The following CELA3B variants were observed in gnomAD, a reference collection of about 807,000 sequenced individuals.
CELA3B encodes the protein chymotrypsin-like elastase family member 3B.
CELA3B carries 34 observed loss-of-function variants against 37.2 expected under a neutral mutation model. The ratio of observed to expected loss-of-function variants is 0.91; its 90% CI spans 0.70 to 1.22. The LOEUF is 1.22. Ranked by LOEUF, CELA3B falls within the 50% of genes most tolerant of loss-of-function variation. The pLI, the probability that CELA3B is intolerant of heterozygous loss-of-function variation, is 0.00. For missense variants in CELA3B, 340 were observed against 363.1 expected (o/e 0.94, Z 0.52); for synonymous variants, 127 against 143.5 (o/e 0.89, Z 0.82).
At chr1:21,998,372 C>T (rs1214646033) in exon 5 of CELA3B, 4 of 355,340 alleles carry the variant, frequency 1.1e-5, no homozygotes, top group Admixed American at 3.6e-5. Context: ...GAACAAAGCA[C>T]ACAAAACCCC....
chr1:21,994,022 G>A (rs7529773), downstream of CELA3B, among the ~76,000 whole-genome samples: 25,189 of 146,950 alleles, frequency 0.17, 646 homozygotes, highest in African/African-American at 0.37. Context: ...CAAGACATAA[G>A]CTGGATCATG....
At chr1:21,988,439 A>G (rs1644851782) in intron 7 of CELA3B, among the ~76,000 whole-genome samples, 1 of 151,644 alleles carries the variant, frequency 6.6e-6, no homozygotes, top group South Asian at 2.1e-4. Context: ...AAATATAAAA[A>G]AATTGGCTGG....
downstream of CELA3B, among the ~76,000 whole-genome samples, chr1:21,989,959 A>G (rs1644863370): frequency 6.6e-6 from 1 of 150,804 alleles, no homozygotes; most frequent in African/African-American, 2.5e-5. Context: ...ATTGACTCAC[A>G]GTTCAGCATG....
chr1:21,984,475 C>T, intron 6 of CELA3B, 144 bp downstream of exon 6: 2 of 1,146,350 alleles, frequency 1.7e-6, no homozygotes, highest in South Asian at 1.6e-5. Context: ...GAAATCAGCG[C>T]AGTCCAGACA....
In CELA3B at chr1:21,984,261, G is replaced by A. The variant is rs1163277703; in HGVS notation, c.572G>A (p.Trp191Ter). ...PVVDYEHCSRWNWWGSSVKKT... is the reference protein window; with the variant it reads ...PVVDYEHCSR ...GTGGACTATGAACACTGCTCCAGGTGGAACTGGTGGGGTTCCTCCGTGAAG... is the reference window on the plus strand; with the variant it reads ...GTGGACTATGAACACTGCTCCAGGTAGAACTGGTGGGGTTCCTCCGTGAAG... Residue 191 changes from tryptophan (W) to a stop codon, truncating the protein, a stop_gained, in exon 6 of 8, where the codon TGG becomes TAG. Transcript: ENST00000337107. LOFTEE classifies it high-confidence loss of function. 5.0e-6 allele frequency: 8 copies of A among 1,614,082 alleles called. No individual in the cohort carries two copies. The highest frequency in any genetic ancestry group is 2.2e-5 in the South Asian group (2 of 91,090).
intron 1 of CELA3B, among the ~76,000 whole-genome samples, chr1:21,977,385 C>G: frequency 6.6e-6 from 1 of 152,080 alleles, no homozygotes. Context: ...GTTGGAATTT[C>G]CACTGTTCTG....
downstream of CELA3B, among the ~76,000 whole-genome samples, chr1:21,991,484 T>G (rs549594094): frequency 6.7e-6 from 1 of 149,388 alleles, no homozygotes; most frequent in African/African-American, 2.5e-5. Flanking sequence ...TACAGGCGCA[T>G]GCCACCACGC....
chr1:21,995,099 TGTG>T (rs1644884882), intron 4 of CELA3B, among the ~76,000 whole-genome samples: 1 of 149,548 alleles, frequency 6.7e-6, no homozygotes, highest in East Asian at 2.0e-4. Context: ...GGAAGAGACC[TGTG>T]GTGGCTGTCC....
chr1:21,986,439 A>G, intron 6 of CELA3B, 92 bp from the exon 7 acceptor site: 1 of 1,515,152 alleles, frequency 6.6e-7, no homozygotes, highest in Admixed American at 2.2e-5. Context: ...GAGTCAGGTA[A>G]TGTCGGAGTT....
intron 4 of CELA3B, among the ~76,000 whole-genome samples, chr1:21,996,774 C>A (rs1448117068): frequency 6.6e-6 from 1 of 150,760 alleles, no homozygotes; most frequent in African/African-American, 2.5e-5. Context: ...TCCTTGGATC[C>A]CAGCCGGGAT....
At chr1:21,979,670 C>T (rs1397030075) in intron 2 of CELA3B, among the ~76,000 whole-genome samples, 1 of 150,788 alleles carries the variant, frequency 6.6e-6, no homozygotes, top group East Asian at 2.0e-4. Context: ...CCCAGGCTTG[C>T]CTCGAACTTC....
At chr1:21,988,914 A>T (rs1364196802) in intron 7 of CELA3B, among the ~76,000 whole-genome samples, 29 of 148,468 alleles carry the variant, frequency 2.0e-4, no homozygotes, top group African/African-American at 7.4e-4. Flanking sequence ...CTCCAAAAAT[A>T]TATATTTTGT....
intron 4 of CELA3B, among the ~76,000 whole-genome samples, chr1:21,981,766 C>T (rs1470980100): frequency 1.3e-5 from 2 of 151,832 alleles, no homozygotes; most frequent in Non-Finnish European, 2.9e-5. Context: ...CGCTCTGTCG[C>T]CCAGGCTGGA....
At chr1:21,992,333 C>T (rs1197511926), downstream of CELA3B, among the ~76,000 whole-genome samples, 4 of 151,508 alleles carry the variant, frequency 2.6e-5, no homozygotes, top group East Asian at 3.9e-4. Flanking sequence ...TTCAAGGCTG[C>T]AGTGCACTAT....
chr1:21,995,000 CAAAAAA>C (rs61509449), intron 4 of CELA3B, among the ~76,000 whole-genome samples: 1 of 54,004 alleles, frequency 1.9e-5, no homozygotes, highest in South Asian at 8.6e-4. Flanking sequence ...AGACTTGTCT[CAAAAAA>C]AAAAAAAAAA....
chr1:21,977,083 G>T lies in CELA3B; in HGVS notation c.43+1G>T. On this transcript the variant is annotated splice_donor_variant, in intron 1 of 7. Transcript: ENST00000337107. LOFTEE classifies it high-confidence loss of function. ...AGTTCCCTCCTCCTTGTGGCCGTTG[G>T]TAAGACCCCAACCTGTGTGTGTGCT... The T allele has an allele frequency of 6.2e-7, 1 of 1,614,146 alleles. No homozygotes were observed. Among genetic ancestry groups the T allele is most frequent in the South Asian group, 1.1e-5 (1 of 91,084 alleles).
downstream of CELA3B, among the ~76,000 whole-genome samples, chr1:21,992,710 T>A (rs1644873968): frequency 1.3e-5 from 2 of 151,286 alleles, 1 homozygote; most frequent in African/African-American, 4.9e-5. Context: ...GAACGGTGGC[T>A]CATGCCTATA....
intron 7 of CELA3B, 53 bp downstream of exon 7, chr1:21,986,736 G>C: frequency 6.4e-7 from 1 of 1,568,678 alleles, no homozygotes. Flanking sequence ...TCTTCTGAGA[G>C]GTGACAGGTG....
At chr1:21,992,648 A>AG (rs1429369197), downstream of CELA3B, among the ~76,000 whole-genome samples, 1 of 151,592 alleles carries the variant, frequency 6.6e-6, no homozygotes, top group East Asian at 1.9e-4. Context: ...ATTGATCTCA[A>AG]GGCCAGTGCT....
Sources: gnomAD v4.1 joint callset for allele counts (sites outside exome capture counted in the v4.1 genomes callset) on GRCh38, gnomAD v4.1.1 for gene constraint, MANE v1.5 for transcripts, NCBI Gene and HGNC (gene_info 2026-07-23, HGNC 2026-07-21) for gene names.